Variants in TNPO3 observed in about 807,000 individuals in gnomAD.
The protein encoded by TNPO3 is transportin-3.
In TNPO3, 65 loss-of-function variants were observed where a neutral mutation model predicts 122.8. That is an observed-to-expected ratio of 0.53 (90% CI 0.43 to 0.65). The LOEUF (loss-of-function observed/expected upper bound fraction) is 0.65, where lower values mean the gene tolerates loss of function less well. TNPO3 is among the 30% of genes least tolerant of loss of function. TNPO3 has a pLI of 0.00. For missense variants in TNPO3, 850 were observed against 1,136.7 expected (o/e 0.75, Z 3.63); for synonymous variants, 372 against 411.2 (o/e 0.90, Z 1.15).
intron 18 of TNPO3, among the ~76,000 whole-genome samples, chr7:128,974,621 C>G (rs1049225476): frequency 1.3e-5 from 2 of 150,688 alleles, no homozygotes; most frequent in African/African-American, 4.8e-5. Context: ...GCCAGGCACA[C>G]TGCATTGTCT....
At chr7:129,019,463 T>C (rs1269651273) in intron 1 of TNPO3, among the ~76,000 whole-genome samples, 2 of 152,182 alleles carry the variant, frequency 1.3e-5, no homozygotes, top group African/African-American at 4.8e-5. Context: ...AGTTAAGATA[T>C]AGAAACAGGT....
chr7:129,009,731 C>G (rs1802975863), intron 4 of TNPO3, among the ~76,000 whole-genome samples: 1 of 152,228 alleles, frequency 6.6e-6, no homozygotes, highest in Non-Finnish European at 1.5e-5. Flanking sequence ...TCCATTAACT[C>G]TCACCTCAGG....
intron 1 of TNPO3, among the ~76,000 whole-genome samples, chr7:129,020,394 T>C (rs562145592): frequency 6.6e-6 from 1 of 152,334 alleles, no homozygotes; most frequent in East Asian, 1.9e-4. Context: ...AGCACACCTA[T>C]GATTTAATAG....
At position 128,993,879 on chromosome 7, in the gene TNPO3, C is replaced by A; in HGVS notation, c.1194G>T (p.Glu398Asp). ...GVPEETDDFG[E>D]FRMRVSDLVK... The stretch of plus-strand genomic sequence containing the variant: ...CCAGGTCTGATACCCTCATGCGAAA[C>A]TCCCCAAAGTCATCAGTCTCCTCAG... The change falls in exon 9 of 23, where the codon GAG (glutamate) becomes GAT (aspartate). Residue 398 changes from glutamate (E) to aspartate (D), a missense_variant. By Grantham distance (45) the Glu-to-Asp change is conservative. Coordinates refer to ENST00000265388, the MANE Select transcript of TNPO3 (RefSeq NM_012470.4). 1 of 1,614,090 alleles carries A rather than the reference C, an allele frequency of 6.2e-7. No homozygotes were observed. The highest frequency in any genetic ancestry group is 1.3e-5 in the African/African-American group (1 of 75,008).
At chr7:129,020,073 C>T (rs1804293329) in intron 1 of TNPO3, among the ~76,000 whole-genome samples, 1 of 151,898 alleles carries the variant, frequency 6.6e-6, no homozygotes, top group African/African-American at 2.4e-5. Flanking sequence ...GATGCTGAGG[C>T]GAGAGGATCA....
intron 4 of TNPO3, among the ~76,000 whole-genome samples, chr7:129,008,231 C>T (rs1802793423): frequency 6.6e-6 from 1 of 151,616 alleles, no homozygotes; most frequent in Non-Finnish European, 1.5e-5. Context: ...AAAAAGTCAT[C>T]AGAGCCTGCG....
chr7:129,033,351 C>A lies in TNPO3; in HGVS notation c.121-15194G>T, dbSNP rs995673218. On this transcript the variant is annotated intron_variant, in intron 1 of 22. Coordinates refer to ENST00000265388, the MANE Select transcript of TNPO3 (RefSeq NM_012470.4). The stretch of plus-strand genomic sequence containing the variant: ...ATGAAAAGATGCTCAACATCACCAA[C>A]CATAGGGAAAGGCATATCAAAGCCA... 2.0e-5 allele frequency among the ~76,000 whole-genome samples: 3 copies of A among 152,154 alleles called. 1 individual carries two copies. The highest frequency in any genetic ancestry group is 6.5e-5 in the Admixed American group (1 of 15,270).
chr7:128,984,143 T>C (rs745958586), intron 13 of TNPO3, 25 bp downstream of exon 13: 3 of 1,444,570 alleles, frequency 2.1e-6, no homozygotes, highest in African/African-American at 2.8e-5. Flanking sequence ...TATATTTGTT[T>C]CACACCTTCC....
chr7:128,977,608 T>C (rs1409378726), intron 16 of TNPO3, among the ~76,000 whole-genome samples: 1 of 151,286 alleles, frequency 6.6e-6, no homozygotes, highest in Non-Finnish European at 1.5e-5. Flanking sequence ...TCTTTTTTTT[T>C]TTTTTTGAGA....
intron 1 of TNPO3, among the ~76,000 whole-genome samples, chr7:129,030,992 A>C (rs970992682): frequency 2.8e-4 from 43 of 152,336 alleles, no homozygotes; most frequent in African/African-American, 1.0e-3. Flanking sequence ...TAGATTAAGA[A>C]ATAAGAGAGA....
rs763418452 is a variant in TNPO3 at position 129,054,868 on chromosome 7, C to A, written c.-98G>T. On this transcript the variant is annotated 5_prime_UTR_variant, in exon 1 of 23. Coordinates refer to ENST00000265388, the MANE Select transcript of TNPO3 (RefSeq NM_012470.4). ...CGCTTCCTCACTGTCTGGGCCACGG[C>A]CGCTCCCTGACTGGCGCCATCTCCT... 1,003 of 1,540,896 alleles carry A rather than the reference C, an allele frequency of 6.5e-4. 2 individuals are homozygous for A. Among genetic ancestry groups the A allele is most frequent in the Non-Finnish European group, 8.5e-4 (959 of 1,130,364 alleles).
chr7:128,971,305 T>G (rs1326274353), intron 19 of TNPO3, among the ~76,000 whole-genome samples: 2 of 151,852 alleles, frequency 1.3e-5, no homozygotes. Context: ...ACTACCACAC[T>G]TGGCTAATTT....
intron 21 of TNPO3, among the ~76,000 whole-genome samples, chr7:128,962,363 C>T (rs1259259526): frequency 7.0e-5 from 8 of 114,732 alleles, no homozygotes; most frequent in African/African-American, 2.6e-4. Context: ...CAGAGCGAGA[C>T]TCCGTCTCAA....
intron 1 of TNPO3, among the ~76,000 whole-genome samples, chr7:129,043,649 C>T (rs1245065779): frequency 6.6e-6 from 1 of 152,128 alleles, no homozygotes; most frequent in Non-Finnish European, 1.5e-5. Flanking sequence ...GAATCCCTAT[C>T]CAAAATAATA....
At position 128,984,149 on chromosome 7, in the gene TNPO3, C is replaced by T; in HGVS notation, c.1782+19G>A. On this transcript the variant is annotated intron_variant, in intron 13 of 22. Coordinates refer to ENST00000265388, the MANE Select transcript of TNPO3 (RefSeq NM_012470.4). ...TAAACATCTTATATTTGTTTCACAC[C>T]TTCCTTAATTGGACTTACCTTTTTC... 2 of 1,485,198 alleles carry T rather than the reference C, an allele frequency of 1.3e-6. No homozygotes were observed. The highest frequency in any genetic ancestry group is 2.6e-5 in the South Asian group (2 of 77,734). The allele number at this position is 1,485,198 out of a possible 1,614,324, so 92.0% of individuals were successfully genotyped here. A position where few individuals can be genotyped will look rare whatever the true frequency, so the allele number is the denominator to read the frequency against.
At chr7:129,046,689 T>C (rs1220419764) in intron 1 of TNPO3, among the ~76,000 whole-genome samples, 2 of 152,172 alleles carry the variant, frequency 1.3e-5, no homozygotes, top group African/African-American at 4.8e-5. Flanking sequence ...CAAGCCTGGG[T>C]AATTTATAAA....
At chr7:128,965,876 G>T (rs1021550614) in intron 21 of TNPO3, among the ~76,000 whole-genome samples, 4 of 152,196 alleles carry the variant, frequency 2.6e-5, no homozygotes, top group African/African-American at 9.6e-5. Flanking sequence ...GGTATCTAGA[G>T]TAGTCAGACT....
In TNPO3 at chr7:128,984,168, CT is replaced by C; in HGVS notation, c.1781del (p.Lys594SerfsTer19). The C allele has an allele frequency of 1.3e-6, 2 of 1,579,956 alleles. No individual in the cohort carries two copies. The highest frequency in any genetic ancestry group is 1.8e-5 in the Admixed American group (1 of 55,592). On this transcript the variant is annotated frameshift_variant and splice_region_variant, in exon 13 of 23. Transcript: ENST00000265388. LOFTEE classifies it high-confidence loss of function. The stretch of plus-strand genomic sequence containing the variant: ...TCACACCTTCCTTAATTGGACTTAC[CT>C]TTTTCAATGCCATAACCTGAACAGA... Reference protein sequence around the residue: ...LCSVQVMALKKLLSQEPSNGI... With the variant: ...LCSVQVMALKXLLSQEPSNGI...
intron 15 of TNPO3, among the ~76,000 whole-genome samples, chr7:128,979,372 C>A (rs570401086): frequency 1.3e-5 from 2 of 152,276 alleles, no homozygotes; most frequent in Admixed American, 1.3e-4. Flanking sequence ...GACAGAGATA[C>A]ACAATTTCCT....
Sources: allele counts gnomAD v4.1 joint callset (sites outside exome capture counted in the v4.1 genomes callset), GRCh38; gene constraint gnomAD v4.1.1; transcripts MANE v1.5; gene names NCBI Gene and HGNC (gene_info 2026-07-23, HGNC 2026-07-21).